Variants in ADAMTS19 observed in about 807,000 individuals in gnomAD.
The protein encoded by ADAMTS19 is A disintegrin and metalloproteinase with thrombospondin motifs 19.
In ADAMTS19, 93 loss-of-function variants were observed where a neutral mutation model predicts 153.3. The observed-to-expected ratio is 0.61, with a 90% CI of 0.51 to 0.72. The LOEUF is 0.72. Ranked by LOEUF, ADAMTS19 falls within the 30% of genes least tolerant of loss-of-function variation. The probability of loss-of-function intolerance (pLI) is 0.00; values close to 1 mark genes in which losing one functional copy is unlikely to be tolerated. For missense variants in ADAMTS19, 1,482 were observed against 1,552.1 expected (o/e 0.95, Z 0.76); for synonymous variants, 600 against 556.6 (o/e 1.08, Z -1.10).
chr5:129,502,315 G>A (rs912469554), intron 2 of ADAMTS19, among the ~76,000 whole-genome samples: 10 of 152,106 alleles, frequency 6.6e-5, no homozygotes, highest in Admixed American at 4.6e-4. Flanking sequence ...TAGAATGTAA[G>A]TAAAAATTTA....
chr5:129,483,523 T>C (rs1158581946), intron 2 of ADAMTS19, among the ~76,000 whole-genome samples: 1 of 152,154 alleles, frequency 6.6e-6, no homozygotes. Flanking sequence ...CCAGAATGTA[T>C]GCAGACATTG....
At chr5:129,615,981 C>T (rs1751502673) in intron 8 of ADAMTS19, among the ~76,000 whole-genome samples, 1 of 151,906 alleles carries the variant, frequency 6.6e-6, no homozygotes, top group South Asian at 2.1e-4. Context: ...GTTAGATAAA[C>T]CTGTAATATA....
intron 8 of ADAMTS19, among the ~76,000 whole-genome samples, chr5:129,605,538 T>C (rs1201885261): frequency 2.0e-5 from 3 of 152,200 alleles, no homozygotes; most frequent in Non-Finnish European, 2.9e-5. Context: ...TTTCTTAAAA[T>C]TGTAAGCACA....
chr5:129,679,700 TAGTA>T, intron 16 of ADAMTS19, 60 bp from the exon 17 acceptor site: 1 of 1,324,466 alleles, frequency 7.6e-7, no homozygotes, highest in Non-Finnish European at 1.0e-6. Flanking sequence ...AAATAATTTG[TAGTA>T]GATGTTGATC....
At chr5:129,648,675 C>G in intron 12 of ADAMTS19, 123 bp from the exon 13 acceptor site, 1 of 660,778 alleles carries the variant, frequency 1.5e-6, no homozygotes, top group Non-Finnish European at 2.4e-6. Flanking sequence ...TTAATGTGTC[C>G]AAGTTTTCAA....
rs144728385 is a variant in ADAMTS19 at position 129,681,941 on chromosome 5, T to G, written c.2664+2020T>G. On this transcript the variant is annotated intron_variant, in intron 17 of 22. Coordinates refer to ENST00000274487, the MANE Select transcript of ADAMTS19 (RefSeq NM_133638.6). Reference sequence around the variant, plus strand: ...TAACAGTATCAACAGCAAACATATGTTTAATGATTGTATTGCATAAAATGC... The same window carrying G: ...TAACAGTATCAACAGCAAACATATGGTTAATGATTGTATTGCATAAAATGC... Among the ~76,000 whole-genome samples the G allele has an allele frequency of 1.8e-3, 276 of 152,310 alleles. 9 individuals are homozygous for G. The East Asian group carries it at 0.05, about 28-fold the overall frequency.
At chr5:129,648,302 C>T (rs1043316475) in intron 12 of ADAMTS19, among the ~76,000 whole-genome samples, 2 of 152,142 alleles carry the variant, frequency 1.3e-5, no homozygotes, top group Non-Finnish European at 2.9e-5. Flanking sequence ...CAGGTACAGA[C>T]AGGAATTATT....
chr5:129,558,605 A>C (rs1206071418), intron 7 of ADAMTS19, among the ~76,000 whole-genome samples: 1 of 152,080 alleles, frequency 6.6e-6, no homozygotes. Context: ...AATGCATTCC[A>C]TTAAAATTCT....
chr5:129,720,662 C>G (rs745648210), intron 21 of ADAMTS19, among the ~76,000 whole-genome samples: 1 of 152,102 alleles, frequency 6.6e-6, no homozygotes, highest in Non-Finnish European at 1.5e-5. Context: ...GCATGCGGGA[C>G]AGTCCAGTGG....
At chr5:129,661,026 T>G (rs1753794169) in intron 15 of ADAMTS19, among the ~76,000 whole-genome samples, 1 of 152,186 alleles carries the variant, frequency 6.6e-6, no homozygotes, top group Non-Finnish European at 1.5e-5. Context: ...CAGCTTTCTC[T>G]TGGCTTTGAT....
intron 21 of ADAMTS19, among the ~76,000 whole-genome samples, chr5:129,722,200 T>G (rs974891414): frequency 1.3e-5 from 2 of 152,230 alleles, no homozygotes; most frequent in East Asian, 3.9e-4. Flanking sequence ...ATTGTTAAAC[T>G]AATTTACATT....
chr5:129,557,521 A>C (rs1311002037), intron 7 of ADAMTS19, among the ~76,000 whole-genome samples: 2 of 151,978 alleles, frequency 1.3e-5, no homozygotes, highest in African/African-American at 4.8e-5. Context: ...GATCGCTTGA[A>C]CCCAAAGGCA....
intron 2 of ADAMTS19, among the ~76,000 whole-genome samples, chr5:129,498,798 A>ATTTT (rs10637813): frequency 0.018 from 2,387 of 134,064 alleles, 64 homozygotes; most frequent in African/African-American, 0.06. Flanking sequence ...CATTCACTCT[A>ATTTT]TTTTTTTTTT....
At chr5:129,670,140 A>G (rs1012037569) in intron 16 of ADAMTS19, among the ~76,000 whole-genome samples, 2 of 151,978 alleles carry the variant, frequency 1.3e-5, no homozygotes, top group African/African-American at 4.8e-5. Context: ...GTATACACTG[A>G]CCTCTAACCA....
At chr5:129,517,142 A>G (rs1276206978) in intron 3 of ADAMTS19, among the ~76,000 whole-genome samples, 2 of 151,814 alleles carry the variant, frequency 1.3e-5, no homozygotes, top group Non-Finnish European at 1.5e-5. Flanking sequence ...GTTAGAGAAG[A>G]TGCCTGATAT....
chr5:129,615,835 T>C (rs749972749), intron 8 of ADAMTS19, among the ~76,000 whole-genome samples: 1 of 151,984 alleles, frequency 6.6e-6, no homozygotes, highest in African/African-American at 2.4e-5. Context: ...CAGGCATCCA[T>C]TGGCTATCCA....
chr5:129,732,717 T>C (rs1024075185), intron 21 of ADAMTS19, among the ~76,000 whole-genome samples: 4 of 152,006 alleles, frequency 2.6e-5, no homozygotes, highest in Non-Finnish European at 5.9e-5. Flanking sequence ...AGAATCAATA[T>C]CATTAAAATG....
intron 10 of ADAMTS19, among the ~76,000 whole-genome samples, chr5:129,640,946 T>C (rs2127022063): frequency 6.6e-6 from 1 of 152,240 alleles, no homozygotes; most frequent in South Asian, 2.1e-4. Context: ...TGCCTCAGCC[T>C]CCTGAGTAGC....
chr5:129,566,998 G>A (rs1000125916), intron 7 of ADAMTS19, among the ~76,000 whole-genome samples: 2 of 151,990 alleles, frequency 1.3e-5, no homozygotes, highest in African/African-American at 4.8e-5. Context: ...CATGGAAGTG[G>A]AAGGTGCGAA....
Sources: allele counts gnomAD v4.1 joint callset (sites outside exome capture counted in the v4.1 genomes callset), GRCh38; gene constraint gnomAD v4.1.1; transcripts MANE v1.5; gene names NCBI Gene and HGNC (gene_info 2026-07-23, HGNC 2026-07-21).